The following WDR11 variants were observed in gnomAD, a reference collection of about 807,000 sequenced individuals.
WDR11 encodes the protein WD repeat domain 11.
WDR11 carries 83 observed loss-of-function variants against 151.2 expected under a neutral mutation model. The observed-to-expected ratio is 0.55, with a 90% CI of 0.46 to 0.66. WDR11 has a LOEUF of 0.66. Among genes scored for constraint, WDR11 ranks in the 30% least tolerant of loss-of-function variants. The pLI, the probability that WDR11 is intolerant of heterozygous loss-of-function variation, is 0.00. For synonymous variants in WDR11, 484 were observed against 533.1 expected (o/e 0.91, Z 1.27); for missense variants, 1,301 against 1,480.9 (o/e 0.88, Z 1.99).
chr10:120,898,876 C>A (rs1412629276), intron 19 of WDR11, among the ~76,000 whole-genome samples: 1 of 152,150 alleles, frequency 6.6e-6, no homozygotes, highest in Non-Finnish European at 1.5e-5. Context: ...TGAAAACAGA[C>A]AAATACAGTC....
In WDR11 at chr10:120,852,565, T is replaced by C; in HGVS notation, c.128T>C (p.Val43Ala). Residue 43 changes from valine (V) to alanine (A), a missense_variant, in exon 2 of 29, where the codon GTG (valine) becomes GCG (alanine). Val to Ala is a moderately conservative substitution (Grantham distance 64). Coordinates refer to ENST00000263461, the MANE Select transcript of WDR11 (RefSeq NM_018117.12). ...ATTGCTTATGGATGTCATTCACTTG[T>C]GGTAGTGATTGATTCCATTACTGCC... ...GLIAYGCHSL[V>A]VVIDSITAQT... 1.2e-6 allele frequency: 2 copies of C among 1,614,088 alleles called. No homozygotes were observed. Among genetic ancestry groups the C allele is most frequent in the African/African-American group, 1.3e-5 (1 of 75,052 alleles).
At chr10:120,890,162 T>A (rs1847379443) in intron 18 of WDR11, among the ~76,000 whole-genome samples, 153 bp downstream of exon 18, 1 of 152,134 alleles carries the variant, frequency 6.6e-6, no homozygotes, top group Non-Finnish European at 1.5e-5. Context: ...TTTACAGTAT[T>A]TGTGTTCTAA....
chr10:120,880,572 T>C, intron 12 of WDR11: 2 of 406,594 alleles, frequency 4.9e-6, no homozygotes, highest in East Asian at 1.1e-4. Context: ...GGCAAGAAAA[T>C]CACTTGAACC....
intron 17 of WDR11, chr10:120,889,638 C>A: frequency 3.9e-6 from 2 of 506,448 alleles, no homozygotes; most frequent in South Asian, 2.1e-5. Context: ...TGGGTCCCTT[C>A]ACCTAAACTT....
At chr10:120,856,141 A>G (rs10886787) in intron 2 of WDR11, 55,654 of 152,144 alleles carry the variant, frequency 0.37, 10,222 homozygotes, top group Admixed American at 0.44. Context: ...GTAAGTTCTT[A>G]AAGTGCCTGT....
Position 120,865,681 on chromosome 10 carries a change from T to G in WDR11, c.931T>G (p.Cys311Gly). The change falls in exon 7 of 29, where the codon TGT (cysteine) becomes GGT (glycine). Residue 311 changes from cysteine (C) to glycine (G), a missense_variant. Physicochemically the swap from Cys to Gly is radical, Grantham distance 159. This residue lies in a region of WDR11 where 692 missense variants were observed against 762.5 expected (regional missense o/e 0.91). Coordinates refer to ENST00000263461, the MANE Select transcript of WDR11 (RefSeq NM_018117.12). ...TTTATTTTGTCTACATGAAAATGGT[T>G]GTATAACTTTACGTGTTCGAAGATC... ...DGLFCLHENG[C>G]ITLRVRRSYN... is the part of the protein sequence containing the mutation. The G allele has an allele frequency of 2.5e-6, 4 of 1,611,248 alleles. No individual in the cohort carries two copies. The highest frequency in any genetic ancestry group is 3.4e-6 in the Non-Finnish European group (4 of 1,179,378).
chr10:120,894,608 T>C (rs11199631), intron 19 of WDR11, among the ~76,000 whole-genome samples: 56,581 of 152,004 alleles, frequency 0.37, 10,625 homozygotes, highest in Admixed American at 0.44. Flanking sequence ...AATGTTGCCA[T>C]TTCCAAGTGG....
intron 9 of WDR11, among the ~76,000 whole-genome samples, chr10:120,869,163 T>G (rs1443992121): frequency 3.6e-5 from 5 of 139,884 alleles, no homozygotes; most frequent in African/African-American, 1.3e-4. Flanking sequence ...CAGGCTGGAA[T>G]GCAGTGGCGC....
At chr10:120,903,920 GTTGA>G (rs1847935242) in intron 23 of WDR11, 123 bp from the exon 24 acceptor site, 2 of 658,954 alleles carry the variant, frequency 3.0e-6, no homozygotes, top group Non-Finnish European at 5.2e-6. Flanking sequence ...GTGCTGTAAA[GTTGA>G]TTATCTAGTA....
intron 14 of WDR11, among the ~76,000 whole-genome samples, chr10:120,884,606 CAAA>C (rs34657107): frequency 3.2e-5 from 4 of 126,136 alleles, no homozygotes; most frequent in Non-Finnish European, 1.7e-5. Context: ...AACCAAAAGG[CAAA>C]AAAAAAAAAG....
intron 4 of WDR11, among the ~76,000 whole-genome samples, chr10:120,860,965 G>A (rs1846115885): frequency 1.3e-5 from 2 of 152,324 alleles, no homozygotes; most frequent in African/African-American, 4.8e-5. Flanking sequence ...GTGAGAAGAA[G>A]TCATATCATA....
rs2133745414 is a variant in WDR11 at position 120,865,655 on chromosome 10, G to T, written c.905G>T (p.Gly302Val). Reference sequence around the variant, plus strand: ...GTAATACCCTGCTTTCAGCGTGATGGTTTATTTTGTCTACATGAAAATGGT... The same window carrying T: ...GTAATACCCTGCTTTCAGCGTGATGTTTTATTTTGTCTACATGAAAATGGT... The part of the protein sequence containing the change: ...LQVIPCFQRD[G>V]LFCLHENGCI... The change falls in exon 7 of 29, where the codon GGT becomes GTT. Residue 302 changes from glycine to valine, a missense_variant. This residue lies in a region of WDR11 where 692 missense variants were observed against 762.5 expected (regional missense o/e 0.91). Transcript: ENST00000263461. 1.2e-6 allele frequency: 2 copies of T among 1,610,256 alleles called. No homozygotes were observed. Among genetic ancestry groups the T allele is most frequent in the East Asian group, 2.2e-5 (1 of 44,714 alleles).
intron 12 of WDR11, chr10:120,880,138 A>G (rs1364130739): frequency 6.6e-6 from 1 of 152,206 alleles, no homozygotes; most frequent in African/African-American, 2.4e-5. Context: ...TTTGTATTAA[A>G]TATTACTTTA....
intron 5 of WDR11, among the ~76,000 whole-genome samples, chr10:120,863,629 C>G (rs1481793596): frequency 6.6e-6 from 1 of 152,056 alleles, no homozygotes; most frequent in Non-Finnish European, 1.5e-5. Context: ...AGGTTTCTTT[C>G]TTTTTCCTAT....
At chr10:120,887,115 A>T (rs1847248169) in intron 16 of WDR11, among the ~76,000 whole-genome samples, 1 of 152,210 alleles carries the variant, frequency 6.6e-6, no homozygotes, top group African/African-American at 2.4e-5. Context: ...GAGAATAAGT[A>T]ACTTTCCCAA....
intron 19 of WDR11, chr10:120,899,813 G>T (rs1193417935): frequency 6.9e-6 from 4 of 581,790 alleles, no homozygotes; most frequent in Non-Finnish European, 1.2e-5. Flanking sequence ...AATCAAAAAA[G>T]GGGGAAAAGA....
intron 2 of WDR11, among the ~76,000 whole-genome samples, chr10:120,857,586 A>G (rs899046582): frequency 5.9e-5 from 9 of 152,204 alleles, no homozygotes; most frequent in Admixed American, 2.6e-4. Context: ...CAAAAGATCT[A>G]TTACAGGAAA....
rs1847376477 is a variant in WDR11 at position 120,890,101 on chromosome 10, A to G, written c.2343+92A>G. The G allele has an allele frequency of 3.4e-6, 3 of 874,104 alleles. No homozygotes were observed. In the African/African-American group the frequency reaches 5.0e-5, roughly 15 times the overall value. 54.1% of individuals were successfully genotyped at this position (874,104 alleles called of 1,614,324 possible). On this transcript the variant is annotated intron_variant, in intron 18 of 28. Transcript: ENST00000263461. The stretch of plus-strand genomic sequence containing the variant: ...AAACTTCTTTCTGATTTAGAAATGA[A>G]AAGTACTTAATGAGTTCGTCAAGTT...
At chr10:120,903,283 A>ATATC in intron 23 of WDR11, 51 bp downstream of exon 23, 1 of 1,599,626 alleles carries the variant, frequency 6.3e-7, no homozygotes, top group Non-Finnish European at 8.6e-7. Context: ...TTGATTACTT[A>ATATC]TATCTTTGTC....
Sources: allele counts gnomAD v4.1 joint callset (sites outside exome capture counted in the v4.1 genomes callset), GRCh38; gene constraint gnomAD v4.1.1; regional missense constraint gnomAD v4.1.1; transcripts MANE v1.5; gene names NCBI Gene and HGNC (gene_info 2026-07-23, HGNC 2026-07-21).